The following HTR3B variants were observed in gnomAD, a reference collection of about 807,000 sequenced individuals.
HTR3B encodes 5-hydroxytryptamine receptor 3B.
Under a neutral mutation model 42.8 loss-of-function variants are expected in HTR3B, and 44 were observed. The ratio of observed to expected loss-of-function variants is 1.03; its 90% confidence interval spans 0.81 to 1.32. The LOEUF (loss-of-function observed/expected upper bound fraction) is 1.32, where lower values mean the gene tolerates loss of function less well. Among genes scored for constraint, HTR3B ranks in the 40% most tolerant of loss-of-function variants. The probability of loss-of-function intolerance (pLI) is 0.00; values close to 1 mark genes in which losing one functional copy is unlikely to be tolerated. For synonymous variants in HTR3B, 203 were observed against 209.0 expected (o/e 0.97, Z 0.25); for missense variants, 527 against 536.5 (o/e 0.98, Z 0.17).
At chr11:113,928,090 G>T (rs971954174) in intron 2 of HTR3B, among the ~76,000 whole-genome samples, 1 of 152,100 alleles carries the variant, frequency 6.6e-6, no homozygotes, top group Admixed American at 6.5e-5. Flanking sequence ...GTGTCCATGT[G>T]TTCTCATTGT....
intron 7 of HTR3B, among the ~76,000 whole-genome samples, chr11:113,944,297 C>A (rs534053446): frequency 6.6e-6 from 1 of 151,990 alleles, no homozygotes; most frequent in African/African-American, 2.4e-5. Context: ...GGATTACAGG[C>A]GTGAGCCACC....
Position 113,933,027 on chromosome 11 carries a change from ATCTGTG to A in HTR3B, c.633_638del (p.Val212_Ser213del), listed in dbSNP as rs1383086127. 4.3e-6 allele frequency: 7 copies of A among 1,614,156 alleles called. No individual in the cohort carries two copies. The highest frequency in any genetic ancestry group is 3.3e-4 in the Middle Eastern group (2 of 6,062). ...TGAATGACAGTGAGTGGGAACTTCT[ATCTGTG>A]TCCTCCACATACAGCATCCTGCAGA... On this transcript the variant is annotated inframe_deletion, in exon 6 of 9. Coordinates refer to ENST00000260191, the MANE Select transcript of HTR3B (RefSeq NM_006028.5).
At chr11:113,912,031 C>T (rs1378913836) in intron 2 of HTR3B, among the ~76,000 whole-genome samples, 5 of 152,136 alleles carry the variant, frequency 3.3e-5, no homozygotes, top group Non-Finnish European at 7.4e-5. Flanking sequence ...CTTTTTCACT[C>T]GGCATTTTGA....
At chr11:113,938,847 T>A (rs931940712) in intron 6 of HTR3B, among the ~76,000 whole-genome samples, 1 of 152,010 alleles carries the variant, frequency 6.6e-6, no homozygotes, top group Admixed American at 6.6e-5. Context: ...ATGCAAAAAT[T>A]AGCTGGGCGT....
Position 113,946,119 on chromosome 11 carries a change from A to T in HTR3B, c.1308A>T (p.Ala436=), listed in dbSNP as rs762754478. ...IYTITLCSLW[A]LWGGV is the part of the protein sequence containing the mutation. ...CCATCACTCTGTGCTCCCTCTGGGC[A>T]CTGTGGGGCGGCGTGTGAAGACTGA... Residue 436 remains alanine, a synonymous_variant, in exon 9 of 9, where the codon GCA becomes GCT. Coordinates refer to ENST00000260191, the MANE Select transcript of HTR3B (RefSeq NM_006028.5). 3 of 1,613,362 alleles carry T rather than the reference A, an allele frequency of 1.9e-6. No individual in the cohort carries two copies. The African/African-American group carries it at 4.0e-5, about 22-fold the overall frequency.
At chr11:113,921,214 C>T (rs556443295) in intron 2 of HTR3B, among the ~76,000 whole-genome samples, 2 of 150,798 alleles carry the variant, frequency 1.3e-5, no homozygotes, top group South Asian at 2.1e-4. Flanking sequence ...GGCACGATCT[C>T]GGCTCACTGC....
intron 2 of HTR3B, among the ~76,000 whole-genome samples, chr11:113,918,192 T>C (rs949148179): frequency 6.6e-6 from 1 of 151,908 alleles, no homozygotes; most frequent in African/African-American, 2.4e-5. Flanking sequence ...ATATATATAT[T>C]ACAGTGTCAA....
chr11:113,923,625 C>T (rs1351878290), intron 2 of HTR3B, among the ~76,000 whole-genome samples: 2 of 152,148 alleles, frequency 1.3e-5, no homozygotes, highest in Non-Finnish European at 2.9e-5. Flanking sequence ...TCTAAATAGA[C>T]TCCCTCTGTT....
At chr11:113,935,257 G>T (rs1950081858) in intron 6 of HTR3B, among the ~76,000 whole-genome samples, 1 of 152,058 alleles carries the variant, frequency 6.6e-6, no homozygotes, top group African/African-American at 2.4e-5. Context: ...CAGTTCCTCT[G>T]CTCTCCTCAC....
intron 2 of HTR3B, among the ~76,000 whole-genome samples, chr11:113,922,328 G>A (rs926941064): frequency 1.3e-5 from 2 of 151,598 alleles, no homozygotes; most frequent in Non-Finnish European, 2.9e-5. Context: ...CAACCTCCCA[G>A]GCTCAGGTGA....
rs1225758180 is a variant in HTR3B at position 113,932,305 on chromosome 11, T to C, written c.385T>C (p.Tyr129His). The C allele has an allele frequency of 6.2e-7, 1 of 1,612,586 alleles. No individual in the cohort carries two copies. Among genetic ancestry groups the C allele is most frequent in the Non-Finnish European group, 8.5e-7 (1 of 1,178,960 alleles). Residue 129 changes from tyrosine (Y) to histidine (H), a missense_variant, in exon 5 of 9, where the codon TAC (tyrosine) becomes CAC (histidine). Transcript: ENST00000260191. ...TTCATATAGTGTGGACATTGAAAGA[T>C]ACCCTGACCTTCCCTATGTTTATGT... ...IINEFVDIER[Y>H]PDLPYVYVNS... is the part of the protein sequence containing the mutation.
chr11:113,929,114 C>T (rs1338071716), intron 2 of HTR3B, among the ~76,000 whole-genome samples: 1 of 152,158 alleles, frequency 6.6e-6, no homozygotes, highest in African/African-American at 2.4e-5. Flanking sequence ...GCAGCTGCAC[C>T]ATTTTACATT....
chr11:113,935,380 G>A (rs955786546), intron 6 of HTR3B, among the ~76,000 whole-genome samples: 5 of 131,974 alleles, frequency 3.8e-5, no homozygotes, highest in African/African-American at 7.7e-5. Flanking sequence ...GGGGGTGGAC[G>A]TGGGTTATCT....
At chr11:113,900,440 C>T (rs1005167003), upstream of HTR3B, among the ~76,000 whole-genome samples, 1 of 152,128 alleles carries the variant, frequency 6.6e-6, no homozygotes, top group African/African-American at 2.4e-5. Context: ...ATGTATTAGT[C>T]TATTCTCACA....
chr11:113,914,494 T>C (rs1197607918), intron 2 of HTR3B, among the ~76,000 whole-genome samples: 1 of 151,952 alleles, frequency 6.6e-6, no homozygotes, highest in Admixed American at 6.6e-5. Context: ...AAATTAATTT[T>C]GTTTTTTTGA....
intron 6 of HTR3B, among the ~76,000 whole-genome samples, chr11:113,935,809 C>T (rs559841013): frequency 2.0e-5 from 3 of 152,134 alleles, no homozygotes; most frequent in East Asian, 1.9e-4. Context: ...GGCTGCCCAG[C>T]GGGAGGTTGG....
At chr11:113,931,076 A>G (rs1323331269) in intron 2 of HTR3B, among the ~76,000 whole-genome samples, 1 of 152,182 alleles carries the variant, frequency 6.6e-6, no homozygotes, top group African/African-American at 2.4e-5. Context: ...ACAACGTAAC[A>G]TTTTTTAGTC....
chr11:113,930,018 G>T (rs138809755), intron 2 of HTR3B, among the ~76,000 whole-genome samples: 2 of 152,106 alleles, frequency 1.3e-5, no homozygotes, highest in Non-Finnish European at 1.5e-5. Context: ...TTACAGGTGC[G>T]AGCCACCGCA....
intron 2 of HTR3B, among the ~76,000 whole-genome samples, chr11:113,917,835 G>A (rs1298891400): frequency 6.6e-6 from 1 of 151,984 alleles, no homozygotes. Flanking sequence ...TAACTCCTGA[G>A]CTTAAGCAAT....
Sources: allele counts gnomAD v4.1 joint callset (sites outside exome capture counted in the v4.1 genomes callset), GRCh38; gene constraint gnomAD v4.1.1; transcripts MANE v1.5; gene names NCBI Gene and HGNC (gene_info 2026-07-23, HGNC 2026-07-21).